The following IFT80 variants were observed in gnomAD, a reference collection of about 807,000 sequenced individuals.
The protein encoded by IFT80 is intraflagellar transport protein 80 homolog.
Under a neutral mutation model 107.9 loss-of-function variants are expected in IFT80, and 79 were observed. The observed-to-expected ratio is 0.73, with a 90% CI of 0.61 to 0.88. The LOEUF is 0.88. IFT80 is among the 40% of genes least tolerant of loss of function. IFT80 has a pLI of 0.00. For synonymous variants in IFT80, 299 were observed against 300.9 expected (o/e 0.99, Z 0.07); for missense variants, 797 against 914.2 (o/e 0.87, Z 1.65).
At position 160,366,169 on chromosome 3, in the gene IFT80, G is replaced by GA. The variant is rs199675485; in HGVS notation, c.440-18dup. 8.3e-3 allele frequency: 10,741 copies of GA among 1,301,046 alleles called. No homozygotes were observed. Among genetic ancestry groups the GA allele is most frequent in the East Asian group, 0.012 (447 of 36,310 alleles). The allele number at this position is 1,301,046 out of a possible 1,614,324, so 80.6% of individuals were successfully genotyped here. On this transcript the variant is annotated splice_polypyrimidine_tract_variant and intron_variant, in intron 5 of 19. Transcript: ENST00000326448. The stretch of plus-strand genomic sequence containing the variant: ...CTGGTGTTCCTGTAAGATGAAAAAA[G>GA]AAAAAAAAAAGGCTGATAAACTTTA...
At chr3:160,325,375 C>T (rs561977736) in intron 8 of IFT80, among the ~76,000 whole-genome samples, 38 of 152,094 alleles carry the variant, frequency 2.5e-4, no homozygotes, top group Admixed American at 5.9e-4. Flanking sequence ...ACCAAATCAG[C>T]CAGAAAGGAA....
intron 1 of IFT80, among the ~76,000 whole-genome samples, chr3:160,393,971 G>C (rs1178404915): frequency 6.6e-6 from 1 of 152,154 alleles, no homozygotes; most frequent in African/African-American, 2.4e-5. Context: ...ATTAAAAGAA[G>C]TACAGTTTTT....
At chr3:160,270,149 C>T (rs944738245) in intron 18 of IFT80, among the ~76,000 whole-genome samples, 4 of 152,172 alleles carry the variant, frequency 2.6e-5, no homozygotes, top group East Asian at 1.9e-4. Context: ...TACAGGCATC[C>T]GCCACCATAC....
intron 6 of IFT80, among the ~76,000 whole-genome samples, chr3:160,365,303 T>C (rs139408705): frequency 1.3e-5 from 2 of 152,246 alleles, no homozygotes; most frequent in African/African-American, 4.8e-5. Flanking sequence ...GCATTTTGGC[T>C]GTGTAAAATA....
chr3:160,296,449 A>G (rs1715990378), intron 12 of IFT80, among the ~76,000 whole-genome samples: 1 of 151,508 alleles, frequency 6.6e-6, no homozygotes, highest in African/African-American at 2.4e-5. Flanking sequence ...TTACCTGTAT[A>G]TTGTTATTCT....
At position 160,258,410 on chromosome 3, in the gene IFT80, G is replaced by C; in HGVS notation, c.*115C>G. On this transcript the variant is annotated 3_prime_UTR_variant, in exon 20 of 20. Coordinates refer to ENST00000326448, the MANE Select transcript of IFT80 (RefSeq NM_020800.3). ...TACTTTTACACTAAATACACAGCAAGTACTTATACTCGGTTAAAGATTATG... is the reference window on the plus strand; with the variant it reads ...TACTTTTACACTAAATACACAGCAACTACTTATACTCGGTTAAAGATTATG... 8.0e-7 allele frequency: 1 copy of C among 1,244,606 alleles called. No homozygotes were observed. The highest frequency in any genetic ancestry group is 1.1e-6 in the Non-Finnish European group (1 of 872,942). The allele number at this position is 1,244,606 out of a possible 1,614,324, so 77.1% of individuals were successfully genotyped here.
intron 6 of IFT80, 132 bp downstream of exon 6, chr3:160,365,911 G>T: frequency 2.8e-6 from 2 of 726,078 alleles, no homozygotes; most frequent in Non-Finnish European, 5.0e-6. Context: ...TGTAATAAAG[G>T]CTGATTAAAC....
chr3:160,352,042 GTC>G (rs1245223369), intron 8 of IFT80, among the ~76,000 whole-genome samples: 4 of 149,748 alleles, frequency 2.7e-5, no homozygotes, highest in Non-Finnish European at 5.9e-5. Context: ...TTGAGACAGA[GTC>G]TCTCTCTGTC....
intron 12 of IFT80, among the ~76,000 whole-genome samples, chr3:160,290,534 C>T (rs1190537289): frequency 6.6e-6 from 1 of 150,668 alleles, no homozygotes; most frequent in Non-Finnish European, 1.5e-5. Context: ...GATGAAAATT[C>T]GTATATTTAA....
chr3:160,261,314 T>C (rs148710626), intron 19 of IFT80, among the ~76,000 whole-genome samples: 1 of 151,918 alleles, frequency 6.6e-6, no homozygotes, highest in African/African-American at 2.4e-5. Context: ...TCAACAAATA[T>C]TTAGTGCTTA....
intron 1 of IFT80, among the ~76,000 whole-genome samples, chr3:160,392,407 GACA>G (rs1713454660): frequency 6.6e-6 from 1 of 151,990 alleles, no homozygotes; most frequent in Non-Finnish European, 1.5e-5. Flanking sequence ...ATATCTATTT[GACA>G]ACTCTATTTG....
chr3:160,375,680 TAA>T (rs1711958418), intron 5 of IFT80, 130 bp downstream of exon 5: 1 of 659,516 alleles, frequency 1.5e-6, no homozygotes, highest in African/African-American at 1.8e-5. Context: ...GTGTAAAATA[TAA>T]GAGATTACTG....
intron 19 of IFT80, among the ~76,000 whole-genome samples, chr3:160,266,792 T>C (rs1346359712): frequency 1.3e-5 from 2 of 152,122 alleles, no homozygotes; most frequent in African/African-American, 2.4e-5. Flanking sequence ...AATTATACAA[T>C]AAACAAGGTG....
chr3:160,336,237 G>A (rs777013700), intron 8 of IFT80, among the ~76,000 whole-genome samples: 1 of 152,124 alleles, frequency 6.6e-6, no homozygotes. Context: ...CCAAAGTGGA[G>A]GGGTTACTTT....
In IFT80 at chr3:160,396,316, CTAAA is replaced by C. The variant is rs370431721; in HGVS notation, c.-47+2826_-47+2829del. On this transcript the variant is annotated intron_variant, in intron 1 of 19. Coordinates refer to ENST00000326448, the MANE Select transcript of IFT80 (RefSeq NM_020800.3). Reference sequence around the variant, plus strand: ...ATTTATTAATCTTGAACAATATTCTCTAAATATTTATACAATACTTACATAAATT... The same window carrying C: ...ATTTATTAATCTTGAACAATATTCTCTATTTATACAATACTTACATAAATT... Among the ~76,000 whole-genome samples the C allele has an allele frequency of 1.1e-4, 17 of 151,426 alleles. No individual in the cohort carries two copies. In the East Asian group the frequency reaches 1.2e-3, roughly 10 times the overall value.
Position 160,379,494 on chromosome 3 carries a change from G to A in IFT80, c.260-1954C>T, listed in dbSNP as rs537328658. On this transcript the variant is annotated intron_variant, in intron 3 of 19. Transcript: ENST00000326448. ...TCTTATTCTTAGGAAATGCATTGAA[G>A]TATTCATGGTTAAAAGTACATGTCT... Among the ~76,000 whole-genome samples, 18 of 152,284 alleles carry A rather than the reference G, an allele frequency of 1.2e-4. No homozygotes were observed. The South Asian group carries it at 3.5e-3, about 30-fold the overall frequency.
chr3:160,341,432 A>G (rs2108334758), intron 8 of IFT80, among the ~76,000 whole-genome samples: 1 of 152,200 alleles, frequency 6.6e-6, no homozygotes, highest in South Asian at 2.1e-4. Context: ...GTACTGGATT[A>G]TTAAAGATAT....
At chr3:160,350,415 C>CAAAA (rs60135065) in intron 8 of IFT80, among the ~76,000 whole-genome samples, 2 of 116,288 alleles carry the variant, frequency 1.7e-5, no homozygotes, top group South Asian at 2.9e-4. Flanking sequence ...GACTCTGTCT[C>CAAAA]AAAAAAAAAA....
chr3:160,278,961 AT>A (rs1355371014), intron 16 of IFT80, among the ~76,000 whole-genome samples: 1 of 152,208 alleles, frequency 6.6e-6, no homozygotes, highest in Non-Finnish European at 1.5e-5. Context: ...TCCACAGAAG[AT>A]TTTTATATGT....
Sources: allele counts gnomAD v4.1 joint callset (sites outside exome capture counted in the v4.1 genomes callset), GRCh38; gene constraint gnomAD v4.1.1; transcripts MANE v1.5; gene names NCBI Gene and HGNC (gene_info 2026-07-23, HGNC 2026-07-21).